The following DNAH17 variants were observed in gnomAD, a reference collection of about 807,000 sequenced individuals.
DNAH17 encodes dynein axonemal heavy chain 17.
DNAH17 carries 376 observed loss-of-function variants against 485.6 expected under a neutral mutation model. That is an observed-to-expected ratio of 0.77 (90% CI 0.71 to 0.84). The LOEUF (loss-of-function observed/expected upper bound fraction) is 0.84. Ranked by LOEUF, DNAH17 falls within the 40% of genes least tolerant of loss-of-function variation. The pLI, the probability that DNAH17 is intolerant of heterozygous loss-of-function variation, is 0.00. For synonymous variants in DNAH17, 3,031 were observed against 2,405.9 expected (o/e 1.26, Z -7.60); for missense variants, 6,370 against 5,839.3 (o/e 1.09, Z -2.96).
In DNAH17 at chr17:78,505,454, AG is replaced by A; in HGVS notation, c.4804-10del. 1 of 1,613,880 alleles carries A rather than the reference AG, an allele frequency of 6.2e-7. No individual in the cohort carries two copies. Among genetic ancestry groups the A allele is most frequent in the Non-Finnish European group, 8.5e-7 (1 of 1,179,824 alleles). On this transcript the variant is annotated splice_polypyrimidine_tract_variant and intron_variant, in intron 30 of 80. Transcript: ENST00000389840. ...GACAGGTGGCGGCTCACCTGGGAGG[AG>A]GCAAGAAGCGGGAATTATGCAACGG...
chr17:78,539,423 A>AG (rs761646851), intron 18 of DNAH17, among the ~76,000 whole-genome samples: 11 of 152,074 alleles, frequency 7.2e-5, no homozygotes, highest in Non-Finnish European at 8.8e-5. Flanking sequence ...CCACATGAGT[A>AG]GGGGGCAGTG....
intron 10 of DNAH17, 39 bp from the exon 11 acceptor site, chr17:78,566,769 G>T: frequency 6.6e-7 from 1 of 1,514,738 alleles, no homozygotes; most frequent in Non-Finnish European, 9.0e-7. Flanking sequence ...TAATCAGCGT[G>T]CAAAGCAAGC....
intron 48 of DNAH17, among the ~76,000 whole-genome samples, chr17:78,484,095 CAAAAAAAAAA>C (rs11290299): frequency 0.029 from 1,115 of 38,476 alleles, 15 homozygotes; most frequent in Admixed American, 0.052. Flanking sequence ...GATTTCTCCT[CAAAAAAAAAA>C]AAAAAAAAAA....
At chr17:78,486,155 A>T (rs769425878) in intron 45 of DNAH17, 22 bp from the exon 46 acceptor site, 1 of 1,609,286 alleles carries the variant, frequency 6.2e-7, no homozygotes, top group South Asian at 1.1e-5. Flanking sequence ...CAGAAGTAAA[A>T]ATCAGGGCCC....
Position 78,570,762 on chromosome 17 carries a change from G to A in DNAH17, c.918+186C>T, listed in dbSNP as rs1035656758. The stretch of plus-strand genomic sequence containing the variant: ...AATCCCAGCTACTCGGGAGGCAGAG[G>A]CAGGAGAATCCCTTGAACCAGGGAG... On this transcript the variant is annotated intron_variant, in intron 6 of 80. Coordinates refer to ENST00000389840, the MANE Select transcript of DNAH17 (RefSeq NM_173628.4). 3.1e-4 allele frequency among the ~76,000 whole-genome samples: 46 copies of A among 146,444 alleles called. No individual in the cohort carries two copies. In the Admixed American group the frequency reaches 3.4e-3, roughly 11 times the overall value.
chr17:78,516,551 G>A (rs568334538), intron 25 of DNAH17, among the ~76,000 whole-genome samples: 33 of 152,242 alleles, frequency 2.2e-4, no homozygotes, highest in Non-Finnish European at 3.8e-4. Flanking sequence ...TTAGCCGGGC[G>A]TGATGGCAGG....
chr17:78,542,571 A>G (rs1043930946), intron 17 of DNAH17, among the ~76,000 whole-genome samples: 1 of 152,220 alleles, frequency 6.6e-6, no homozygotes, highest in Non-Finnish European at 1.5e-5. Context: ...TGAGGAGGAT[A>G]TGAAAACCCC....
chr17:78,533,439 A>G (rs565737644), intron 19 of DNAH17, among the ~76,000 whole-genome samples: 1 of 152,222 alleles, frequency 6.6e-6, no homozygotes, highest in Admixed American at 6.5e-5. Flanking sequence ...AGCACGTGCA[A>G]AGGCCCCGTG....
chr17:78,458,004 A>AT (rs2087894252), intron 62 of DNAH17, among the ~76,000 whole-genome samples: 2 of 151,910 alleles, frequency 1.3e-5, no homozygotes, highest in South Asian at 2.1e-4. Flanking sequence ...GGGTTTCGTC[A>AT]TATTGGCCAG....
rs554967605 is a variant in DNAH17, at chr17:78,495,094, G to A, written c.5907C>T (p.Pro1969=). Residue 1969 remains proline (P), a synonymous_variant, in exon 39 of 81, where the codon CCC becomes CCT. Transcript: ENST00000389840. ...LPENLKALFR[P]CAMVVPDFEL... ...CGAAGTCGGGGACGACCATGGCACA[G>A]GGCCTGGGGAGGTCAGCGGTGCCTG... 1.2e-6 allele frequency: 2 copies of A among 1,604,462 alleles called. No homozygotes were observed. The highest frequency in any genetic ancestry group is 2.2e-5 in the East Asian group (1 of 44,620).
At chr17:78,554,750 G>A (rs1478923755) in intron 14 of DNAH17, among the ~76,000 whole-genome samples, 1 of 151,976 alleles carries the variant, frequency 6.6e-6, no homozygotes, top group Non-Finnish European at 1.5e-5. Context: ...CATACATTTT[G>A]GTACTTTATT....
At chr17:78,538,328 G>C (rs1048313433) in intron 18 of DNAH17, among the ~76,000 whole-genome samples, 5 of 152,116 alleles carry the variant, frequency 3.3e-5, no homozygotes, top group African/African-American at 1.2e-4. Flanking sequence ...CAGGGCTGCA[G>C]GTGCTGCTCT....
rs1390192706 is a variant in DNAH17 at position 78,466,777 on chromosome 17, C to T, written c.8818G>A (p.Val2940Ile). The change falls in exon 56 of 81, where the codon GTA becomes ATA. Residue 2940 changes from valine (V) to isoleucine (I), a missense_variant. By Grantham distance (29) the Val-to-Ile change is conservative (BLOSUM62 3). Coordinates refer to ENST00000389840, the MANE Select transcript of DNAH17 (RefSeq NM_173628.4). ...ACAGCTGGGAACTTTCTGGCTCGTACCCGCAGCACGGAGCCCACAGGGGAG... is the reference window on the plus strand; with the variant it reads ...ACAGCTGGGAACTTTCTGGCTCGTATCCGCAGCACGGAGCCCACAGGGGAG... ...CFSPVGSVLR[V>I]RARKFPAVVN... 2.5e-6 allele frequency: 4 copies of T among 1,605,836 alleles called. 1 individual carries two copies. In the South Asian group the frequency reaches 3.3e-5, roughly 13 times the overall value.
chr17:78,436,434 A>T (rs1362227229), intron 74 of DNAH17, among the ~76,000 whole-genome samples: 1 of 151,962 alleles, frequency 6.6e-6, no homozygotes, highest in East Asian at 1.9e-4. Flanking sequence ...ATCTCCAAAA[A>T]AATAGGGTGT....
chr17:78,525,177 G>C lies in DNAH17; in HGVS notation c.3712-16C>G. On this transcript the variant is annotated splice_polypyrimidine_tract_variant and intron_variant, in intron 24 of 80. Transcript: ENST00000389840. ...TCTTTTGTTGCTAGGGGCGGCGAGG[G>C]GGCCGTCAGTAGGGCTACCTACCCT... is the stretch of plus-strand genomic sequence containing the variant. The C allele has an allele frequency of 1.2e-6, 2 of 1,609,496 alleles. No individual in the cohort carries two copies. The highest frequency in any genetic ancestry group is 1.7e-6 in the Non-Finnish European group (2 of 1,178,292).
rs773068288 is a variant in DNAH17 at position 78,475,448 on chromosome 17, C to T, written c.8341G>A (p.Ala2781Thr). 4 of 1,613,724 alleles carry T rather than the reference C, an allele frequency of 2.5e-6. No individual in the cohort carries two copies. Among genetic ancestry groups the T allele is most frequent in the Admixed American group, 1.7e-5 (1 of 59,976 alleles). Reference protein sequence around the residue: ...MNLVLFEDAVAHICRINRILE... With the variant: ...MNLVLFEDAVTHICRINRILE... ...ATGCGATTAATCCTGCAGATGTGAG[C>T]CACGGCGTCCTCAAACAGCACCTGC... The change falls in exon 54 of 81, where the codon GCT becomes ACT. Residue 2781 changes from alanine to threonine, a missense_variant. Coordinates refer to ENST00000389840, the MANE Select transcript of DNAH17 (RefSeq NM_173628.4).
intron 11 of DNAH17, among the ~76,000 whole-genome samples, chr17:78,563,472 G>C (rs1420002331): frequency 6.7e-6 from 1 of 149,190 alleles, no homozygotes; most frequent in African/African-American, 2.5e-5. Context: ...TTGGAAGTCA[G>C]AAAAATAGAA....
At chr17:78,430,726 G>A (rs536295882) in intron 75 of DNAH17, among the ~76,000 whole-genome samples, 1 of 152,076 alleles carries the variant, frequency 6.6e-6, no homozygotes, top group South Asian at 2.1e-4. Context: ...GATTACAGGT[G>A]CACACCACCA....
intron 33 of DNAH17, 196 bp downstream of exon 33, chr17:78,502,395 C>A (rs533119585): frequency 7.9e-6 from 4 of 504,440 alleles, no homozygotes; most frequent in African/African-American, 2.0e-5. Flanking sequence ...GTCTGTTACT[C>A]GTGGGGAGAG....
Sources: gnomAD v4.1 joint callset for allele counts (sites outside exome capture counted in the v4.1 genomes callset) on GRCh38, gnomAD v4.1.1 for gene constraint, MANE v1.5 for transcripts, NCBI Gene and HGNC (gene_info 2026-07-23, HGNC 2026-07-21) for gene names.